Variants in PRDM6 observed in about 807,000 individuals in gnomAD.
PRDM6 encodes putative histone-lysine N-methyltransferase PRDM6.
A neutral mutation model predicts 60.8 loss-of-function variants in PRDM6; 25 were observed. The observed-to-expected ratio is 0.41, with a 90% CI of 0.30 to 0.57. The LOEUF (loss-of-function observed/expected upper bound fraction) is 0.57, where lower values mean the gene tolerates loss of function less well. Among genes scored for constraint, PRDM6 ranks in the 20% least tolerant of loss-of-function variants. The pLI is 0.27. For synonymous variants in PRDM6, 407 were observed against 357.4 expected (o/e 1.14, Z -1.57); for missense variants, 839 against 821.3 (o/e 1.02, Z -0.26).
chr5:123,158,478 C>A (rs1765556609), intron 4 of PRDM6, among the ~76,000 whole-genome samples: 1 of 152,106 alleles, frequency 6.6e-6, no homozygotes, highest in South Asian at 2.1e-4. Context: ...GACAGAATGG[C>A]AGCAAGTAAG....
rs1225386885 is a variant in PRDM6 at position 123,192,650 on chromosome 5, G to A, written c.*5449G>A. Reference sequence around the variant, plus strand: ...ACCCTCTCAAGTGTGATATACATTAGGACAAATGGCAACAGGCAGGAAGGG... The same window carrying A: ...ACCCTCTCAAGTGTGATATACATTAAGACAAATGGCAACAGGCAGGAAGGG... On this transcript the variant is annotated 3_prime_UTR_variant, in exon 8 of 8. Coordinates refer to ENST00000407847, the MANE Select transcript of PRDM6 (RefSeq NM_001136239.4). The A allele has an allele frequency of 6.6e-6, 1 of 152,122 alleles. No homozygotes were observed. The allele number at this position is 152,122 out of a possible 1,614,324, so 9.4% of individuals were successfully genotyped here. A position where few individuals can be genotyped will look rare whatever the true frequency, so the allele number is the denominator to read the frequency against.
intron 3 of PRDM6, among the ~76,000 whole-genome samples, chr5:123,115,573 A>G (rs1484021947): frequency 2.0e-5 from 3 of 152,224 alleles, no homozygotes; most frequent in Admixed American, 6.5e-5. Flanking sequence ...TTGAAAGTGT[A>G]GAAAAATATT....
intron 3 of PRDM6, among the ~76,000 whole-genome samples, chr5:123,132,402 G>T (rs573886419): frequency 7.0e-6 from 1 of 142,450 alleles, no homozygotes; most frequent in Non-Finnish European, 1.6e-5. Flanking sequence ...TTATGTGGGT[G>T]GTTGTGTGTG....
At chr5:123,131,946 G>A (rs1202872588) in intron 3 of PRDM6, among the ~76,000 whole-genome samples, 1 of 152,146 alleles carries the variant, frequency 6.6e-6, no homozygotes, top group Non-Finnish European at 1.5e-5. Context: ...TACCCTGGGT[G>A]CCTCAAAGAC....
At chr5:123,141,792 T>C (rs1310065648) in intron 3 of PRDM6, among the ~76,000 whole-genome samples, 1 of 152,200 alleles carries the variant, frequency 6.6e-6, no homozygotes, top group Admixed American at 6.5e-5. Flanking sequence ...ATAATGGTAC[T>C]GTTTGAGCAC....
chr5:123,114,823 A>T (rs1324154667), intron 3 of PRDM6, among the ~76,000 whole-genome samples: 2 of 152,216 alleles, frequency 1.3e-5, no homozygotes, highest in Non-Finnish European at 2.9e-5. Flanking sequence ...ACTTCATTTT[A>T]TTCCAAGTGA....
At chr5:123,135,930 G>A (rs968445232) in intron 3 of PRDM6, among the ~76,000 whole-genome samples, 8 of 152,100 alleles carry the variant, frequency 5.3e-5, no homozygotes, top group African/African-American at 1.7e-4. Context: ...CTGTCATACT[G>A]CCTTGGGATA....
At chr5:123,089,911 C>T (rs1240573310) in intron 1 of PRDM6, 89 bp from the exon 2 acceptor site, 3 of 980,308 alleles carry the variant, frequency 3.1e-6, no homozygotes, top group African/African-American at 1.7e-5. Flanking sequence ...ACCACCGGCT[C>T]GGGCACTTTC....
At chr5:123,105,117 T>C (rs1292946839) in intron 3 of PRDM6, among the ~76,000 whole-genome samples, 1 of 152,266 alleles carries the variant, frequency 6.6e-6, no homozygotes, top group Non-Finnish European at 1.5e-5. Context: ...CCGGATTATT[T>C]TTCTCATTAG....
chr5:123,096,496 T>C (rs895654592), intron 2 of PRDM6, among the ~76,000 whole-genome samples: 1 of 152,318 alleles, frequency 6.6e-6, no homozygotes, highest in Non-Finnish European at 1.5e-5. Flanking sequence ...ATGTTTCAGC[T>C]GGGGGATTTT....
At chr5:123,184,182 A>G (rs461792) in intron 7 of PRDM6, among the ~76,000 whole-genome samples, 2 of 152,220 alleles carry the variant, frequency 1.3e-5, no homozygotes, top group African/African-American at 2.4e-5. Flanking sequence ...ATTTTGTGGC[A>G]TATCATAGAG....
At chr5:123,170,439 C>G (rs910858738) in intron 5 of PRDM6, among the ~76,000 whole-genome samples, 7 of 152,182 alleles carry the variant, frequency 4.6e-5, no homozygotes, top group Admixed American at 3.9e-4. Flanking sequence ...GCTGTGCCTC[C>G]CATCTAAACT....
At chr5:123,164,363 G>A (rs1765707658) in intron 5 of PRDM6, among the ~76,000 whole-genome samples, 1 of 152,118 alleles carries the variant, frequency 6.6e-6, no homozygotes, top group African/African-American at 2.4e-5. Flanking sequence ...CCCTGAATGG[G>A]GAATAGAAAA....
intron 3 of PRDM6, among the ~76,000 whole-genome samples, chr5:123,101,443 C>T (rs1420991958): frequency 3.9e-5 from 6 of 152,166 alleles, no homozygotes; most frequent in Non-Finnish European, 8.8e-5. Context: ...GTTTTTGTTT[C>T]TGACTAATTA....
At chr5:123,164,716 TG>T (rs1263392509) in intron 5 of PRDM6, among the ~76,000 whole-genome samples, 2 of 152,170 alleles carry the variant, frequency 1.3e-5, no homozygotes. Context: ...TTTGACTTTT[TG>T]CGTGCTGTAG....
chr5:123,180,078 T>C (rs942009570), intron 6 of PRDM6, 69 bp from the exon 7 acceptor site: 28 of 1,417,960 alleles, frequency 2.0e-5, no homozygotes, highest in Non-Finnish European at 2.4e-5. Flanking sequence ...TGGCCCCTTG[T>C]CATATGATTC....
chr5:123,154,257 C>G (rs143747054), intron 3 of PRDM6, among the ~76,000 whole-genome samples: 4 of 152,128 alleles, frequency 2.6e-5, no homozygotes, highest in Non-Finnish European at 4.4e-5. Context: ...ATGTAGCCAC[C>G]CCATGCAATG....
At chr5:123,139,033 G>A (rs1765037890) in intron 3 of PRDM6, among the ~76,000 whole-genome samples, 1 of 152,098 alleles carries the variant, frequency 6.6e-6, no homozygotes, top group Non-Finnish European at 1.5e-5. Context: ...TAAGCGTCTG[G>A]CATTTCCCCT....
chr5:123,095,252 G>C (rs752962674), intron 2 of PRDM6, among the ~76,000 whole-genome samples: 2 of 152,260 alleles, frequency 1.3e-5, no homozygotes, highest in Non-Finnish European at 2.9e-5. Flanking sequence ...CGGCGGCCAC[G>C]CCTCATGTCA....
Sources: gnomAD v4.1 joint callset for allele counts (sites outside exome capture counted in the v4.1 genomes callset) on GRCh38, gnomAD v4.1.1 for gene constraint, MANE v1.5 for transcripts, NCBI Gene and HGNC (gene_info 2026-07-23, HGNC 2026-07-21) for gene names.